The following PTPRD variants were observed in gnomAD, a reference collection of about 807,000 sequenced individuals.
PTPRD encodes the protein receptor-type tyrosine-protein phosphatase delta.
PTPRD carries 34 observed loss-of-function variants against 214.5 expected under a neutral mutation model. The observed-to-expected ratio is 0.16, with a 90% CI of 0.12 to 0.21. The LOEUF (loss-of-function observed/expected upper bound fraction) is 0.21. PTPRD is among the 10% of genes least tolerant of loss of function. The pLI is 1.00. For missense variants in PTPRD, 2,545 were observed against 2,398.7 expected, an observed-to-expected ratio of 1.06 and a Z score of -1.27; for synonymous variants, 1,128 against 845.7, an observed-to-expected ratio of 1.33 and a Z score of -5.79.
chr9:8,973,575 A>G (rs1589139556), intron 11 of PTPRD, among the ~76,000 whole-genome samples: 2 of 152,104 alleles, frequency 1.3e-5, no homozygotes, highest in South Asian at 4.1e-4. Context: ...CTTTGGGTAT[A>G]TACTCAGTAA....
chr9:10,573,838 G>A (rs2068257099), intron 2 of PTPRD, among the ~76,000 whole-genome samples: 1 of 152,116 alleles, frequency 6.6e-6, no homozygotes, highest in East Asian at 1.9e-4. Context: ...GTAAAGACAT[G>A]GAAGGTAAGA....
At chr9:9,504,872 A>G (rs983159675) in intron 8 of PTPRD, among the ~76,000 whole-genome samples, 8 of 151,694 alleles carry the variant, frequency 5.3e-5, no homozygotes, top group African/African-American at 1.9e-4. Flanking sequence ...AAAGTAAATT[A>G]AAAAACAATT....
At chr9:8,929,374 G>C (rs1353731886) in intron 11 of PTPRD, among the ~76,000 whole-genome samples, 1 of 152,050 alleles carries the variant, frequency 6.6e-6, no homozygotes, top group African/African-American at 2.4e-5. Context: ...TCAATACCTA[G>C]TTTATTGAGA....
At chr9:9,685,984 A>G (rs1463683769) in intron 7 of PTPRD, among the ~76,000 whole-genome samples, 1 of 151,352 alleles carries the variant, frequency 6.6e-6, no homozygotes, top group Non-Finnish European at 1.5e-5. Flanking sequence ...TGGTAACTGA[A>G]AAAATCTTCC....
At chr9:8,820,272 T>C (rs1473480256) in intron 11 of PTPRD, among the ~76,000 whole-genome samples, 1 of 152,166 alleles carries the variant, frequency 6.6e-6, no homozygotes, top group Non-Finnish European at 1.5e-5. Context: ...AGTAATTTAA[T>C]GAAAGGTCAC....
At chr9:9,804,002 C>T (rs971219864) in intron 5 of PTPRD, among the ~76,000 whole-genome samples, 2 of 152,010 alleles carry the variant, frequency 1.3e-5, no homozygotes, top group East Asian at 3.9e-4. Flanking sequence ...GAATTATGCC[C>T]ACATTGCTTC....
intron 35 of PTPRD, among the ~76,000 whole-genome samples, chr9:8,424,628 A>T (rs1254207117): frequency 2.0e-5 from 3 of 151,662 alleles, no homozygotes; most frequent in Non-Finnish European, 2.9e-5. Context: ...GTTTAATACT[A>T]AAAAAATGAT....
intron 5 of PTPRD, among the ~76,000 whole-genome samples, chr9:9,774,247 TC>T (rs1438845530): frequency 2.0e-5 from 3 of 152,214 alleles, no homozygotes; most frequent in African/African-American, 7.2e-5. Flanking sequence ...ATTTGTATCA[TC>T]CTAGAGGACT....
intron 10 of PTPRD, among the ~76,000 whole-genome samples, chr9:9,168,355 C>T (rs531672991): frequency 2.0e-5 from 3 of 152,146 alleles, no homozygotes; most frequent in South Asian, 2.1e-4. Flanking sequence ...TTTATCTTGC[C>T]TTTTTAACCT....
At chr9:9,190,566 G>A (rs918967394) in intron 9 of PTPRD, among the ~76,000 whole-genome samples, 3 of 151,938 alleles carry the variant, frequency 2.0e-5, no homozygotes, top group Non-Finnish European at 2.9e-5. Context: ...CAACGAGTTA[G>A]CCCCTTTCCT....
At chr9:10,123,145 A>T (rs2098789856) in intron 3 of PTPRD, among the ~76,000 whole-genome samples, 1 of 152,238 alleles carries the variant, frequency 6.6e-6, no homozygotes, top group South Asian at 2.1e-4. Flanking sequence ...ATTATTGCTG[A>T]CAGTAGACGT....
In PTPRD at chr9:8,394,226, T is replaced by C. The variant is rs555082884; in HGVS notation, c.4211-4819A>G. On this transcript the variant is annotated intron_variant, in intron 36 of 45. Coordinates refer to ENST00000381196, the MANE Select transcript of PTPRD (RefSeq NM_002839.4). ...ACCCAACTTGCTATGGATTTGATTT[T>C]TGGGGCCAGAAGATAATTCGATTTG... Among the ~76,000 whole-genome samples the C allele has an allele frequency of 3.2e-4, 48 of 152,082 alleles. No individual in the cohort carries two copies. In the South Asian group the frequency reaches 4.0e-3, roughly 13 times the overall value.
intron 7 of PTPRD, among the ~76,000 whole-genome samples, chr9:9,656,954 A>G (rs998610389): frequency 6.6e-6 from 1 of 152,256 alleles, no homozygotes; most frequent in African/African-American, 2.4e-5. Flanking sequence ...TGTAAAGTCT[A>G]CATATTTACA....
chr9:9,552,158 C>T (rs892749688), intron 8 of PTPRD, among the ~76,000 whole-genome samples: 1 of 151,926 alleles, frequency 6.6e-6, no homozygotes, highest in African/African-American at 2.4e-5. Context: ...AATAAAGAAA[C>T]AAAGGCTCAG....
chr9:10,336,332 G>A (rs1597398047), intron 3 of PTPRD, among the ~76,000 whole-genome samples: 1 of 151,702 alleles, frequency 6.6e-6, no homozygotes, highest in East Asian at 2.0e-4. Context: ...GAATTAGTAA[G>A]CAGAAGGAGA....
chr9:9,060,334 T>C (rs1434135945), intron 10 of PTPRD, among the ~76,000 whole-genome samples: 3 of 152,138 alleles, frequency 2.0e-5, no homozygotes, highest in Non-Finnish European at 4.4e-5. Flanking sequence ...TTGACTCTTA[T>C]CTCACATCAT....
At chr9:9,415,405 C>T (rs561549402) in intron 8 of PTPRD, among the ~76,000 whole-genome samples, 27 of 152,158 alleles carry the variant, frequency 1.8e-4, no homozygotes, top group Non-Finnish European at 3.2e-4. Flanking sequence ...CCCCTAGAAA[C>T]AGAGGTTTCA....
intron 10 of PTPRD, among the ~76,000 whole-genome samples, chr9:9,134,690 T>C (rs1040652390): frequency 1.6e-4 from 25 of 152,208 alleles, no homozygotes; most frequent in Admixed American, 1.6e-3. Context: ...TCTGGCTATT[T>C]TGTCTTCATA....
chr9:9,266,785 A>T (rs1344437627), intron 9 of PTPRD, among the ~76,000 whole-genome samples: 1 of 151,188 alleles, frequency 6.6e-6, no homozygotes, highest in East Asian at 2.0e-4. Flanking sequence ...AACATATAAA[A>T]ACTCGTAAAA....
Sources: gnomAD v4.1 joint callset for allele counts (sites outside exome capture counted in the v4.1 genomes callset) on GRCh38, gnomAD v4.1.1 for gene constraint, MANE v1.5 for transcripts, NCBI Gene and HGNC (gene_info 2026-07-23, HGNC 2026-07-21) for gene names.